The following DCK variants were observed in gnomAD, a reference collection of about 807,000 sequenced individuals.
DCK encodes deoxyadenosine kinase.
DCK carries 23 observed loss-of-function variants against 38.3 expected under a neutral mutation model. The observed-to-expected ratio is 0.60, with a 90% CI of 0.43 to 0.85. The LOEUF is 0.85. Among genes scored for constraint, DCK ranks in the 40% least tolerant of loss-of-function variants. DCK has a pLI of 0.00. For missense variants in DCK, 259 were observed against 304.4 expected (o/e 0.85, Z 1.11); for synonymous variants, 108 against 100.6 (o/e 1.07, Z -0.44).
At chr4:71,023,399 T>C (rs896852297) in intron 3 of DCK, among the ~76,000 whole-genome samples, 160 bp from the exon 4 acceptor site, 14 of 152,212 alleles carry the variant, frequency 9.2e-5, no homozygotes, top group African/African-American at 3.4e-4. Flanking sequence ...TTGAGAACCA[T>C]TGGCCAAAAA....
intron 5 of DCK, 92 bp from the exon 6 acceptor site, chr4:71,026,573 G>C (rs1740552278): frequency 2.8e-6 from 2 of 711,748 alleles, no homozygotes; most frequent in Admixed American, 5.0e-5. Context: ...ACAACATTTT[G>C]ATTTTCCAAG....
chr4:71,012,887 G>A (rs1021903705), intron 2 of DCK, among the ~76,000 whole-genome samples: 1 of 152,198 alleles, frequency 6.6e-6, no homozygotes, highest in Non-Finnish European at 1.5e-5. Context: ...ACAGCTCCTC[G>A]CCAGCAACGG....
Position 70,993,913 on chromosome 4 carries a change from C to A in DCK, c.78C>A (p.Ile26=), listed in dbSNP as rs1739600360. 6.2e-7 allele frequency: 1 copy of A among 1,612,842 alleles called. No homozygotes were observed. The highest frequency in any genetic ancestry group is 8.5e-7 in the Non-Finnish European group (1 of 1,178,982). Residue 26 remains isoleucine (I), a synonymous_variant, in exon 1 of 7, where the codon ATC becomes ATA. Coordinates refer to ENST00000286648, the MANE Select transcript of DCK (RefSeq NM_000788.3). Reference sequence around the variant, plus strand: ...GGACCCGCATCAAGAAAATCTCCATCGAAGGGAACATCGGTAAGGAGCCTC... The same window carrying A: ...GGACCCGCATCAAGAAAATCTCCATAGAAGGGAACATCGGTAAGGAGCCTC... ...SEGTRIKKIS[I]EGNIAAGKST...
intron 2 of DCK, among the ~76,000 whole-genome samples, chr4:71,011,725 C>G (rs921342694): frequency 1.3e-5 from 2 of 152,166 alleles, no homozygotes; most frequent in Non-Finnish European, 2.9e-5. Context: ...TAATTCAACT[C>G]TTTTGCAATG....
chr4:70,996,787 T>C (rs1739669139), intron 1 of DCK, among the ~76,000 whole-genome samples: 1 of 152,234 alleles, frequency 6.6e-6, no homozygotes. Context: ...GTTAGATTGA[T>C]GGAGGACTTA....
At position 71,006,377 on chromosome 4, in the gene DCK, TGAGA is replaced by T. The variant is rs545801641; in HGVS notation, c.207+8200_207+8203del. On this transcript the variant is annotated intron_variant, in intron 2 of 6. Coordinates refer to ENST00000286648, the MANE Select transcript of DCK (RefSeq NM_000788.3). ...ATACCAAAATGTATGGTTGTATGTG[TGAGA>T]GAGACGTTGCTAAGATTTTCGTTTC... 1,068 of 566,508 alleles carry T rather than the reference TGAGA, an allele frequency of 1.9e-3. 3 individuals carry two copies. Among genetic ancestry groups the T allele is most frequent in the Admixed American group, 3.8e-3 (60 of 15,770 alleles). 35.1% of individuals were successfully genotyped at this position (566,508 alleles called of 1,614,324 possible). A position where few individuals can be genotyped will look rare whatever the true frequency, so the allele number is the denominator to read the frequency against.
intron 2 of DCK, among the ~76,000 whole-genome samples, chr4:71,019,163 A>T (rs114161241): frequency 0.013 from 1,996 of 152,278 alleles, 89 homozygotes; most frequent in Non-Finnish European, 9.5e-3. Context: ...AAGAGACAAT[A>T]ACATCTTCAT....
At chr4:70,998,307 T>C (rs1403461957) in intron 2 of DCK, 125 bp downstream of exon 2, 1 of 480,830 alleles carries the variant, frequency 2.1e-6, no homozygotes, top group Admixed American at 4.0e-5. Flanking sequence ...TATCTTCATC[T>C]AGGTGGTGGT....
intron 2 of DCK, 77 bp from the exon 3 acceptor site, chr4:71,022,290 T>G (rs1252556842): frequency 1.2e-5 from 9 of 775,942 alleles, no homozygotes; most frequent in Non-Finnish European, 9.9e-6. Flanking sequence ...TGACTTTTAT[T>G]TTTTAGCCTT....
In DCK at chr4:71,029,424, C is replaced by T. The variant is rs762820957; in HGVS notation, c.*46C>T. The T allele has an allele frequency of 1.4e-6, 2 of 1,399,548 alleles. No homozygotes were observed. The highest frequency in any genetic ancestry group is 2.0e-6 in the Non-Finnish European group (2 of 987,606). 86.7% of individuals were successfully genotyped at this position (1,399,548 alleles called of 1,614,324 possible). On this transcript the variant is annotated 3_prime_UTR_variant, in exon 7 of 7. Transcript: ENST00000286648. Reference sequence around the variant, plus strand: ...AGCCAAATGGTTCCAGATACTTCAGCTTTGTGTATCTTCGTAACTTCATAT... The same window carrying T: ...AGCCAAATGGTTCCAGATACTTCAGTTTTGTGTATCTTCGTAACTTCATAT...
chr4:71,027,782 G>A (rs72648722), intron 6 of DCK, among the ~76,000 whole-genome samples: 3,499 of 152,110 alleles, frequency 0.023, 171 homozygotes, highest in Non-Finnish European at 0.02. Flanking sequence ...TAAAAATATA[G>A]GATAAATTCA....
chr4:70,998,329 A>T (rs979076335), intron 2 of DCK, 147 bp downstream of exon 2: 1 of 456,188 alleles, frequency 2.2e-6, no homozygotes, highest in East Asian at 3.4e-5. Context: ...ACATGGATAT[A>T]TATACAGTTG....
At position 71,025,927 on chromosome 4, in the gene DCK, C is replaced by G. The variant is rs749109578; in HGVS notation, c.661C>G (p.Leu221Val). Residue 221 changes from leucine (L) to valine (V), a missense_variant, in exon 5 of 7, where the codon CTG (leucine) becomes GTG (valine). Leu to Val is a conservative substitution (Grantham distance 32). Around this residue, in one of 3 missense-constraint regions of DCK, gnomAD observed 82 missense variants for 103.8 expected, o/e 0.79. Coordinates refer to ENST00000286648, the MANE Select transcript of DCK (RefSeq NM_000788.3). ...TGAAAGCTGGCTCCTGCATAGGACA[C>G]TGAAGTAAGACTTATTTTTATTTAC... ...KHESWLLHRT[L>V]KTNFDYLQEV... 1 of 1,587,228 alleles carries G rather than the reference C, an allele frequency of 6.3e-7. No individual in the cohort carries two copies. Among genetic ancestry groups the G allele is most frequent in the South Asian group, 1.2e-5 (1 of 84,430 alleles).
At chr4:71,009,566 CT>C (rs900781406) in intron 2 of DCK, among the ~76,000 whole-genome samples, 3 of 152,114 alleles carry the variant, frequency 2.0e-5, no homozygotes, top group African/African-American at 7.2e-5. Flanking sequence ...ACTGGCCATT[CT>C]TTATAACTAG....
intron 2 of DCK, among the ~76,000 whole-genome samples, chr4:71,010,590 T>C (rs1319511124): frequency 1.4e-5 from 2 of 147,886 alleles, no homozygotes; most frequent in Non-Finnish European, 3.0e-5. Context: ...TATTTTTAAT[T>C]TACAGATAAA....
At chr4:71,020,839 G>C (rs1740395716) in intron 2 of DCK, among the ~76,000 whole-genome samples, 1 of 151,998 alleles carries the variant, frequency 6.6e-6, no homozygotes, top group African/African-American at 2.4e-5. Flanking sequence ...GTCTGTAGTA[G>C]TTTCCTAAAA....
At chr4:71,009,323 T>G (rs1172346884) in intron 2 of DCK, among the ~76,000 whole-genome samples, 1 of 152,226 alleles carries the variant, frequency 6.6e-6, no homozygotes, top group African/African-American at 2.4e-5. Context: ...GCAGAGAAGT[T>G]GAAAAACATT....
At chr4:71,020,990 A>G (rs562067852) in intron 2 of DCK, among the ~76,000 whole-genome samples, 30 of 151,830 alleles carry the variant, frequency 2.0e-4, no homozygotes, top group Non-Finnish European at 4.0e-4. Flanking sequence ...GTCATTGTTT[A>G]TAGGCCTTTT....
chr4:71,013,185 G>T (rs1446582343), intron 2 of DCK, among the ~76,000 whole-genome samples: 2 of 152,180 alleles, frequency 1.3e-5, no homozygotes, highest in East Asian at 3.8e-4. Flanking sequence ...TGAATGAAAT[G>T]AAGTGAGAAG....
Sources: gnomAD v4.1 joint callset for allele counts (sites outside exome capture counted in the v4.1 genomes callset) on GRCh38, gnomAD v4.1.1 for gene constraint, gnomAD v4.1.1 regional missense constraint, MANE v1.5 for transcripts, NCBI Gene and HGNC (gene_info 2026-07-23, HGNC 2026-07-21) for gene names.